Variants in UTS2B observed in about 807,000 individuals in gnomAD.
The protein encoded by UTS2B is urotensin 2B, also known as urotensin-2B.
Under a neutral mutation model 19.2 loss-of-function variants are expected in UTS2B, and 21 were observed. That is an observed-to-expected ratio of 1.09 (90% CI 0.78 to 1.58). The LOEUF (loss-of-function observed/expected upper bound fraction) is 1.58, where lower values mean the gene tolerates loss of function less well. Among genes scored for constraint, UTS2B ranks in the 40% most tolerant of loss-of-function variants. The pLI is 0.00. For missense variants in UTS2B, 138 were observed against 130.3 expected, an observed-to-expected ratio of 1.06 and a Z score of -0.29; for synonymous variants, 57 against 50.2, an observed-to-expected ratio of 1.14 and a Z score of -0.58.
intron 2 of UTS2B, among the ~76,000 whole-genome samples, chr3:191,316,954 G>A (rs1174819907): frequency 6.6e-6 from 1 of 152,252 alleles, no homozygotes; most frequent in Non-Finnish European, 1.5e-5. Flanking sequence ...GCTTAGCCTA[G>A]CGGATCCCAC....
chr3:191,290,412 A>G (rs12488393), intron 4 of UTS2B, among the ~76,000 whole-genome samples: 58,712 of 152,066 alleles, frequency 0.39, 11,860 homozygotes, highest in East Asian at 0.64. Context: ...CCTCACAAAT[A>G]GTACCTCATT....
At chr3:191,330,126 C>G (rs1432136965) in intron 1 of UTS2B, among the ~76,000 whole-genome samples, 1 of 152,076 alleles carries the variant, frequency 6.6e-6, no homozygotes, top group African/African-American at 2.4e-5. Flanking sequence ...CATTCAGTTC[C>G]GTGTGGAGCC....
chr3:191,274,914 A>G (rs1431838417), intron 8 of UTS2B, among the ~76,000 whole-genome samples: 2 of 152,240 alleles, frequency 1.3e-5, no homozygotes, highest in Non-Finnish European at 2.9e-5. Flanking sequence ...AATAGATTCT[A>G]TGGAATTTTA....
intron 4 of UTS2B, among the ~76,000 whole-genome samples, chr3:191,298,834 C>A (rs938114624): frequency 3.3e-5 from 5 of 152,052 alleles, no homozygotes; most frequent in African/African-American, 7.2e-5. Context: ...ATAATGATAT[C>A]GACAGTGAAG....
the UTS2B span, among the ~76,000 whole-genome samples, chr3:191,343,558 C>T: frequency 6.6e-6 from 1 of 152,174 alleles, no homozygotes; most frequent in Non-Finnish European, 1.5e-5. Context: ...TTCCTTTTTA[C>T]TCATCTTTAT....
intron 8 of UTS2B, among the ~76,000 whole-genome samples, 156 bp from the exon 9 acceptor site, chr3:191,268,597 A>G (rs1208203583): frequency 6.6e-6 from 1 of 152,214 alleles, no homozygotes; most frequent in African/African-American, 2.4e-5. Flanking sequence ...CTTTAAGTTA[A>G]TCACAATTAA....
intron 4 of UTS2B, among the ~76,000 whole-genome samples, chr3:191,293,240 A>G (rs939983229): frequency 3.9e-5 from 6 of 152,154 alleles, no homozygotes; most frequent in Admixed American, 1.3e-4. Context: ...TCCAGTTTTG[A>G]TATCAGGGCA....
intron 4 of UTS2B, among the ~76,000 whole-genome samples, chr3:191,288,818 C>T (rs1219882570): frequency 5.3e-5 from 8 of 152,100 alleles, no homozygotes; most frequent in Non-Finnish European, 4.4e-5. Context: ...TAAGACTGGA[C>T]TCTATAAAAC....
At chr3:191,268,550 G>C (rs1310443030) in intron 8 of UTS2B, 109 bp from the exon 9 acceptor site, 6 of 711,822 alleles carry the variant, frequency 8.4e-6, no homozygotes, top group Non-Finnish European at 1.4e-5. Context: ...TTTTTAAAAG[G>C]GACAGTCAAT....
chr3:191,308,774 A>G (rs1717211665), intron 3 of UTS2B, among the ~76,000 whole-genome samples: 1 of 152,152 alleles, frequency 6.6e-6, no homozygotes, highest in Non-Finnish European at 1.5e-5. Context: ...CTGAAGCTTT[A>G]TGGGGTTTAT....
chr3:191,309,311 A>G (rs951122075), intron 3 of UTS2B, among the ~76,000 whole-genome samples: 6 of 148,916 alleles, frequency 4.0e-5, no homozygotes, highest in Admixed American at 6.7e-5. Flanking sequence ...ACAGGCGCCT[A>G]CCACCACGCC....
In UTS2B at chr3:191,267,704, T is replaced by C. The variant is rs1309014632; in HGVS notation, c.*712A>G. Reference sequence around the variant, plus strand: ...AGGGTCATTTGATTATGAGGTGAGATGGTCACATGGGGATGAAGTAATTCT... The same window carrying C: ...AGGGTCATTTGATTATGAGGTGAGACGGTCACATGGGGATGAAGTAATTCT... On this transcript the variant is annotated 3_prime_UTR_variant, in exon 9 of 9. Coordinates refer to ENST00000340524, the MANE Select transcript of UTS2B (RefSeq NM_198152.5). The C allele has an allele frequency of 2.0e-5, 3 of 152,136 alleles. No individual in the cohort carries two copies. The highest frequency in any genetic ancestry group is 2.9e-5 in the Non-Finnish European group (2 of 68,020). The allele number at this position is 152,136 out of a possible 1,614,324, so 9.4% of individuals were successfully genotyped here. A position where few individuals can be genotyped will look rare whatever the true frequency, so the allele number is the denominator to read the frequency against.
intron 3 of UTS2B, among the ~76,000 whole-genome samples, chr3:191,315,311 C>T (rs553665528): frequency 1.8e-4 from 28 of 152,340 alleles, no homozygotes; most frequent in African/African-American, 6.7e-4. Flanking sequence ...CCACGCCCGG[C>T]CTACTCTACA....
At chr3:191,276,925 TACG>T (rs1180297948) in intron 6 of UTS2B, 81 bp from the exon 7 acceptor site, 1 of 1,255,878 alleles carries the variant, frequency 8.0e-7, no homozygotes, top group East Asian at 2.4e-5. Context: ...TTTAAGATCT[TACG>T]TAGAAAGCAT....
chr3:191,343,722 G>A, the UTS2B span, among the ~76,000 whole-genome samples: 1 of 152,160 alleles, frequency 6.6e-6, no homozygotes, highest in East Asian at 1.9e-4. Flanking sequence ...AACTTTCAGG[G>A]CCAGTTGAAA....
chr3:191,308,186 C>T (rs772858950), intron 3 of UTS2B, among the ~76,000 whole-genome samples: 3 of 152,124 alleles, frequency 2.0e-5, no homozygotes, highest in Non-Finnish European at 4.4e-5. Flanking sequence ...GCCTTTATCA[C>T]AATGAGAATG....
chr3:191,311,349 G>A (rs1279028007), intron 3 of UTS2B, among the ~76,000 whole-genome samples: 1 of 152,180 alleles, frequency 6.6e-6, no homozygotes, highest in Non-Finnish European at 1.5e-5. Context: ...ATAGGACCTA[G>A]GGCTGTGAAC....
rs568917079 is a variant in UTS2B at position 191,280,246 on chromosome 3, T to C, written c.103+1841A>G. ...AAAAATAAATTTCCCATAATCTTCT[T>C]GGTCATGATACTCTTTCTTCCTCCT... On this transcript the variant is annotated intron_variant, in intron 5 of 8. Transcript: ENST00000340524. Among the ~76,000 whole-genome samples the C allele has an allele frequency of 2.0e-5, 3 of 152,276 alleles. No homozygotes were observed. In the South Asian group the frequency reaches 6.2e-4, roughly 32 times the overall value.
chr3:191,344,059 A>G, the UTS2B span, among the ~76,000 whole-genome samples: 23 of 152,368 alleles, frequency 1.5e-4, no homozygotes, highest in Non-Finnish European at 3.1e-4. Context: ...TTGAAGATAA[A>G]TCAGTGGCTG....
Sources: allele counts gnomAD v4.1 joint callset (sites outside exome capture counted in the v4.1 genomes callset), GRCh38; gene constraint gnomAD v4.1.1; transcripts MANE v1.5; gene names NCBI Gene and HGNC (gene_info 2026-07-23, HGNC 2026-07-21).